The following DIS3L2 variants were observed in gnomAD, a reference collection of about 807,000 sequenced individuals.
DIS3L2 encodes the protein DIS3-like exonuclease 2.
A neutral mutation model predicts 97.5 loss-of-function variants in DIS3L2; 34 were observed. That is an observed-to-expected ratio of 0.35 (90% CI 0.27 to 0.46). DIS3L2 has a LOEUF of 0.46. Ranked by LOEUF, DIS3L2 falls within the 20% of genes least tolerant of loss-of-function variation. The probability of loss-of-function intolerance (pLI) is 1.00; values close to 1 mark genes in which losing one functional copy is unlikely to be tolerated. For synonymous variants in DIS3L2, 435 were observed against 445.2 expected (o/e 0.98, Z 0.29); for missense variants, 1,038 against 1,146.0 (o/e 0.91, Z 1.36).
intron 17 of DIS3L2, 116 bp downstream of exon 17, chr2:232,334,103 C>A (rs1559219374): frequency 2.1e-6 from 3 of 1,452,458 alleles, no homozygotes; most frequent in South Asian, 1.4e-5. Context: ...GTCCAAGGGT[C>A]GGGCGACCCA....
intron 6 of DIS3L2, among the ~76,000 whole-genome samples, chr2:232,110,010 A>G (rs1248959151): frequency 6.6e-6 from 1 of 152,248 alleles, no homozygotes; most frequent in Non-Finnish European, 1.5e-5. Context: ...CAAATTTACA[A>G]GAAAACACAT....
intron 14 of DIS3L2, 25 bp from the exon 15 acceptor site, chr2:232,329,788 C>CCGGGGGGGGGTGG: frequency 9.3e-7 from 1 of 1,080,634 alleles, no homozygotes; most frequent in Non-Finnish European, 1.3e-6. Context: ...CCAGCGGTCC[C>CCGGGGGGGGGTGG]TCCCATCCCA....
Position 232,263,408 on chromosome 2 carries a change from C to T in DIS3L2, c.1627C>T (p.Arg543Cys), listed in dbSNP as rs757555204. Reference sequence around the variant, plus strand: ...AATTGCCAAGCAGTTACGCCAGCAGCGCTTTGTGGACGGCGCACTTCGTTT... The same window carrying T: ...AATTGCCAAGCAGTTACGCCAGCAGTGCTTTGTGGACGGCGCACTTCGTTT... ...HGIAKQLRQQ[R>C]FVDGALRLDQ... Residue 543 changes from arginine to cysteine, a missense_variant, in exon 13 of 21, where the codon CGC becomes TGC. This residue lies in a region of DIS3L2 where 813 missense variants were observed against 880.1 expected (regional missense o/e 0.92). Transcript: ENST00000325385. 6.2e-6 allele frequency: 10 copies of T among 1,614,060 alleles called. No homozygotes were observed. Among genetic ancestry groups the T allele is most frequent in the East Asian group, 4.5e-5 (2 of 44,878 alleles).
intron 10 of DIS3L2, among the ~76,000 whole-genome samples, chr2:232,225,755 A>C (rs1351692531): frequency 6.6e-6 from 1 of 152,218 alleles, no homozygotes; most frequent in Non-Finnish European, 1.5e-5. Flanking sequence ...AAAATGAAGG[A>C]GTACAAAAAA....
At chr2:232,239,333 A>G (rs1693017501) in intron 11 of DIS3L2, among the ~76,000 whole-genome samples, 1 of 152,194 alleles carries the variant, frequency 6.6e-6, no homozygotes, top group Non-Finnish European at 1.5e-5. Flanking sequence ...TTTAACACAT[A>G]TATATTGAGC....
At chr2:232,064,356 T>A (rs893155115) in intron 5 of DIS3L2, among the ~76,000 whole-genome samples, 2 of 152,198 alleles carry the variant, frequency 1.3e-5, no homozygotes, top group Non-Finnish European at 2.9e-5. Flanking sequence ...CGTGCGCATG[T>A]GAAATTTATC....
At chr2:232,316,920 T>C (rs1054399973) in intron 14 of DIS3L2, among the ~76,000 whole-genome samples, 1 of 152,250 alleles carries the variant, frequency 6.6e-6, no homozygotes, top group Non-Finnish European at 1.5e-5. Context: ...TTTTTCATTG[T>C]ACCGTTCCTG....
At position 232,086,343 on chromosome 2, in the gene DIS3L2, A is replaced by G. The variant is rs147617628; in HGVS notation, c.367-1144A>G. On this transcript the variant is annotated intron_variant, in intron 5 of 20. Transcript: ENST00000325385. ...TATGCATATGCATATGTATATATACATATATGTATATATATGTGTATATGT... is the reference window on the plus strand; with the variant it reads ...TATGCATATGCATATGTATATATACGTATATGTATATATATGTGTATATGT... 6.1e-4 allele frequency among the ~76,000 whole-genome samples: 79 copies of G among 130,260 alleles called. No individual in the cohort carries two copies. The East Asian group carries it at 0.014, about 23-fold the overall frequency. The allele number at this position is 130,260 out of a possible 152,430, so 85.5% of individuals were successfully genotyped here. A position where few individuals can be genotyped will look rare whatever the true frequency, so the allele number is the denominator to read the frequency against.
At chr2:231,963,270 A>G (rs1183047240) in intron 1 of DIS3L2, among the ~76,000 whole-genome samples, 1 of 152,194 alleles carries the variant, frequency 6.6e-6, no homozygotes, top group African/African-American at 2.4e-5. Context: ...GATAATAGCC[A>G]TTCTGACTGG....
At chr2:232,313,512 T>A (rs1695190362) in intron 14 of DIS3L2, among the ~76,000 whole-genome samples, 2 of 152,214 alleles carry the variant, frequency 1.3e-5, no homozygotes, top group African/African-American at 4.8e-5. Flanking sequence ...CCATGCTCTC[T>A]TTACTGCTCC....
chr2:232,111,328 T>A (rs879369425), intron 6 of DIS3L2: 7 of 465,396 alleles, frequency 1.5e-5, no homozygotes, highest in Non-Finnish European at 2.7e-5. Flanking sequence ...CATATTTTTT[T>A]AAAGAGCACA....
chr2:232,209,420 A>T (rs929996637), intron 9 of DIS3L2, among the ~76,000 whole-genome samples: 1 of 152,214 alleles, frequency 6.6e-6, no homozygotes, highest in East Asian at 1.9e-4. Flanking sequence ...TAGTACAAGT[A>T]TGGGCAACAT....
Position 232,254,245 on chromosome 2 carries a change from G to A in DIS3L2, c.1425+4899G>A, listed in dbSNP as rs75633969. ...TTGGTTTTTATGGCTCTTAAATATC[G>A]GGTTAATAAAAAAAAAGCACCCTTT... On this transcript the variant is annotated intron_variant, in intron 12 of 20. Transcript: ENST00000325385. Among the ~76,000 whole-genome samples the A allele has an allele frequency of 5.1e-3, 771 of 151,782 alleles. 12 individuals carry two copies. Among genetic ancestry groups the A allele is most frequent in the African/African-American group, 0.018 (745 of 41,376 alleles).
chr2:232,264,069 T>C (rs2106282124), intron 13 of DIS3L2, among the ~76,000 whole-genome samples: 1 of 152,328 alleles, frequency 6.6e-6, no homozygotes, highest in South Asian at 2.1e-4. Context: ...GGGATGAAAC[T>C]TCCACTTCAG....
intron 10 of DIS3L2, among the ~76,000 whole-genome samples, chr2:232,231,723 T>G (rs1692799078): frequency 6.6e-6 from 1 of 152,228 alleles, no homozygotes; most frequent in Admixed American, 6.5e-5. Flanking sequence ...TTACAATCCT[T>G]TCAGCCCAGA....
chr2:232,265,285 C>T (rs1693824671), intron 13 of DIS3L2, among the ~76,000 whole-genome samples: 1 of 152,168 alleles, frequency 6.6e-6, no homozygotes, highest in Admixed American at 6.5e-5. Context: ...TTAGGGTTGG[C>T]ATTCCCTGGG....
chr2:232,191,659 G>A (rs2106196569), intron 9 of DIS3L2, among the ~76,000 whole-genome samples: 1 of 152,298 alleles, frequency 6.6e-6, no homozygotes, highest in Admixed American at 6.5e-5. Flanking sequence ...GTGCTCAAAT[G>A]TAAAGTTGCC....
At chr2:232,048,101 G>A (rs143535949) in intron 5 of DIS3L2, among the ~76,000 whole-genome samples, 113 of 152,290 alleles carry the variant, frequency 7.4e-4, no homozygotes, top group African/African-American at 2.6e-3. Flanking sequence ...ATTGGGTCAT[G>A]TGGTGACTCC....
intron 10 of DIS3L2, among the ~76,000 whole-genome samples, chr2:232,233,071 G>A (rs1466980676): frequency 6.6e-6 from 1 of 152,122 alleles, no homozygotes; most frequent in Non-Finnish European, 1.5e-5. Context: ...ACAAAGGTTT[G>A]GATTCAGTGC....
Sources: allele counts gnomAD v4.1 joint callset (sites outside exome capture counted in the v4.1 genomes callset), GRCh38; gene constraint gnomAD v4.1.1; regional missense constraint gnomAD v4.1.1; transcripts MANE v1.5; gene names NCBI Gene and HGNC (gene_info 2026-07-23, HGNC 2026-07-21).